RNF6: variants seen among roughly 807,000 people sequenced by gnomAD.
RNF6 encodes ring finger protein 6.
In RNF6, 21 loss-of-function variants were observed where a neutral mutation model predicts 50.1. The ratio of observed to expected loss-of-function variants is 0.42; its 90% CI spans 0.30 to 0.60. The LOEUF is 0.60. RNF6 is among the 20% of genes least tolerant of loss of function. The pLI is 0.20. For synonymous variants in RNF6, 255 were observed against 291.8 expected (o/e 0.87, Z 1.29); for missense variants, 698 against 838.2 (o/e 0.83, Z 2.07).
intron 5 of RNF6, among the ~76,000 whole-genome samples, chr13:26,145,183 T>C (rs1476014320): frequency 6.6e-6 from 1 of 152,206 alleles, no homozygotes; most frequent in East Asian, 1.9e-4. Context: ...GGAATGTTAA[T>C]TTGCTCAAGT....
intron 5 of RNF6, among the ~76,000 whole-genome samples, chr13:26,135,050 A>G (rs370634043): frequency 1.2e-3 from 182 of 152,346 alleles, no homozygotes; most frequent in African/African-American, 4.2e-3. Flanking sequence ...GCAGGGGATG[A>G]ATTATCTTAA....
Position 26,219,469 on chromosome 13 carries a change from A to G in RNF6, c.181T>C (p.Leu61=). Residue 61 remains leucine, a synonymous_variant, in exon 3 of 5, where the codon TTA becomes CTA. Coordinates refer to ENST00000381588, the MANE Select transcript of RNF6 (RefSeq NM_005977.4). ...ACCCATCTCTTACCAGGGGTGCCTAAAAGATTATGGTCTCTCATAAGCCGA... is the reference window on the plus strand; with the variant it reads ...ACCCATCTCTTACCAGGGGTGCCTAGAAGATTATGGTCTCTCATAAGCCGA... The part of the protein sequence containing the change: ...DYRLMRDHNL[L]GTPGEITSEE... The G allele has an allele frequency of 6.2e-7, 1 of 1,606,866 alleles. No individual in the cohort carries two copies. The highest frequency in any genetic ancestry group is 8.5e-7 in the Non-Finnish European group (1 of 1,175,536).
At chr13:26,195,600 A>G (rs995821615) in intron 5 of RNF6, among the ~76,000 whole-genome samples, 6 of 152,196 alleles carry the variant, frequency 3.9e-5, no homozygotes, top group Admixed American at 2.0e-4. Context: ...TGGGCATATC[A>G]TTTTCAAACT....
chr13:26,137,560 T>C (rs1870714413), intron 5 of RNF6, among the ~76,000 whole-genome samples: 1 of 151,602 alleles, frequency 6.6e-6, no homozygotes, highest in Admixed American at 6.6e-5. Flanking sequence ...ATGTTGAGTA[T>C]CTTCAAAGAG....
At chr13:26,180,421 C>G (rs2137656598) in intron 5 of RNF6, among the ~76,000 whole-genome samples, 1 of 152,248 alleles carries the variant, frequency 6.6e-6, no homozygotes, top group Middle Eastern at 3.4e-3. Context: ...ACAGCAGGCC[C>G]CATTTGAGGG....
intron 5 of RNF6, among the ~76,000 whole-genome samples, chr13:26,198,691 A>T (rs1868774772): frequency 6.6e-6 from 1 of 152,012 alleles, no homozygotes; most frequent in Admixed American, 6.6e-5. Context: ...TGAAAAGGAA[A>T]AAGCAAAAGT....
At chr13:26,194,372 G>A (rs138786530) in intron 5 of RNF6, among the ~76,000 whole-genome samples, 1 of 152,068 alleles carries the variant, frequency 6.6e-6, no homozygotes, top group Non-Finnish European at 1.5e-5. Context: ...CCATCAAAAG[G>A]GAGGAGAAGA....
intron 5 of RNF6, among the ~76,000 whole-genome samples, chr13:26,200,919 T>A (rs935282058): frequency 3.9e-5 from 6 of 152,164 alleles, no homozygotes; most frequent in Admixed American, 3.9e-4. Flanking sequence ...TAAAAAGTAA[T>A]CATGTTATTT....
Position 26,215,232 on chromosome 13 carries a change from A to G in RNF6, c.650T>C (p.Leu217Pro). ...AGCTGGATTTTGCCCCCTTGAAGCAAGCCTAGTCCTTGGAATGTTGGAACT... is the reference window on the plus strand; with the variant it reads ...AGCTGGATTTTGCCCCCTTGAAGCAGGCCTAGTCCTTGGAATGTTGGAACT... ...GSSSNIPRTR[L>P]ASRGQNPAEG... Residue 217 changes from leucine (L) to proline (P), a missense_variant, in exon 5 of 5, where the codon CTT (leucine) becomes CCT (proline). By Grantham distance (98) the Leu-to-Pro change is moderately conservative. Coordinates refer to ENST00000381588, the MANE Select transcript of RNF6 (RefSeq NM_005977.4). 6.2e-7 allele frequency: 1 copy of G among 1,614,234 alleles called. No homozygotes were observed. Among genetic ancestry groups the G allele is most frequent in the South Asian group, 1.1e-5 (1 of 91,086 alleles).
intron 5 of RNF6, among the ~76,000 whole-genome samples, chr13:26,157,906 GGATGGATGGATGGATGGATA>G (rs1872011005): frequency 6.7e-6 from 1 of 148,762 alleles, no homozygotes; most frequent in Non-Finnish European, 1.5e-5. Context: ...ATGGATGGAT[GGATGGATGGATGGATGGATA>G]GATGGATAGA....
chr13:26,155,227 C>T (rs1473475751), intron 5 of RNF6, among the ~76,000 whole-genome samples: 3 of 152,110 alleles, frequency 2.0e-5, no homozygotes, highest in Non-Finnish European at 4.4e-5. Flanking sequence ...TACGATCATG[C>T]CACTGCACCC....
intron 5 of RNF6, among the ~76,000 whole-genome samples, chr13:26,187,451 A>T (rs1357822530): frequency 6.6e-6 from 1 of 152,054 alleles, no homozygotes. Flanking sequence ...TTTCAGGTGA[A>T]TTTCTGACTC....
At chr13:26,158,632 T>G (rs552730866) in intron 5 of RNF6, among the ~76,000 whole-genome samples, 1 of 152,270 alleles carries the variant, frequency 6.6e-6, no homozygotes, top group Non-Finnish European at 1.5e-5. Flanking sequence ...CATTGCTGAG[T>G]GATAAAAACA....
At chr13:26,139,995 T>C (rs540604865) in intron 5 of RNF6, among the ~76,000 whole-genome samples, 1 of 152,172 alleles carries the variant, frequency 6.6e-6, no homozygotes, top group Non-Finnish European at 1.5e-5. Flanking sequence ...CCTGACCTTA[T>C]TTCACTTTTT....
intron 5 of RNF6, among the ~76,000 whole-genome samples, chr13:26,143,030 T>A (rs544463399): frequency 2.0e-5 from 3 of 152,262 alleles, no homozygotes; most frequent in Admixed American, 2.0e-4. Flanking sequence ...TTTCTGTAAC[T>A]TGTCATGTGG....
At chr13:26,149,059 C>T (rs186516040) in intron 5 of RNF6, 1 of 152,196 alleles carries the variant, frequency 6.6e-6, no homozygotes, top group East Asian at 1.9e-4. Context: ...AAATGTTAAT[C>T]TCATCCAAAA....
chr13:26,201,979 G>A (rs1276221514), intron 5 of RNF6, among the ~76,000 whole-genome samples: 1 of 152,150 alleles, frequency 6.6e-6, no homozygotes, highest in Non-Finnish European at 1.5e-5. Flanking sequence ...ACTTATGAAG[G>A]TGTGTGGTTC....
chr13:26,155,748 C>T (rs1449891600), intron 5 of RNF6, among the ~76,000 whole-genome samples: 1 of 152,120 alleles, frequency 6.6e-6, no homozygotes, highest in Non-Finnish European at 1.5e-5. Context: ...AAGCCAGGCC[C>T]CAAGAGTCAT....
intron 5 of RNF6, among the ~76,000 whole-genome samples, chr13:26,184,193 G>A (rs1873403830): frequency 6.6e-6 from 1 of 151,208 alleles, no homozygotes; most frequent in Non-Finnish European, 1.5e-5. Flanking sequence ...CACCACGCCA[G>A]GCTAATGTTT....
Sources: allele counts gnomAD v4.1 joint callset (sites outside exome capture counted in the v4.1 genomes callset), GRCh38; gene constraint gnomAD v4.1.1; transcripts MANE v1.5; gene names NCBI Gene and HGNC (gene_info 2026-07-23, HGNC 2026-07-21).